The following PRKAR1B variants were observed in gnomAD, a reference collection of about 807,000 sequenced individuals.
PRKAR1B encodes the protein cAMP-dependent protein kinase type I-beta regulatory subunit.
A neutral mutation model predicts 46.5 loss-of-function variants in PRKAR1B; 22 were observed. The ratio of observed to expected loss-of-function variants is 0.47; its 90% confidence interval spans 0.34 to 0.68. PRKAR1B has a LOEUF of 0.68. Ranked by LOEUF, PRKAR1B falls within the 30% of genes least tolerant of loss-of-function variation. The pLI, the probability that PRKAR1B is intolerant of heterozygous loss-of-function variation, is 0.01. For missense variants in PRKAR1B, 445 were observed against 535.6 expected (o/e 0.83, Z 1.67); for synonymous variants, 259 against 217.7 (o/e 1.19, Z -1.67).
chr7:683,780 G>A (rs746553512), intron 2 of PRKAR1B, among the ~76,000 whole-genome samples: 48 of 152,262 alleles, frequency 3.2e-4, no homozygotes, highest in Non-Finnish European at 4.7e-4. Flanking sequence ...CACTCCCCAC[G>A]GAAGGGCAGC....
chr7:647,329 C>A (rs999023309), intron 4 of PRKAR1B, among the ~76,000 whole-genome samples: 4 of 152,130 alleles, frequency 2.6e-5, no homozygotes, highest in African/African-American at 4.8e-5. Context: ...CCCACCCAAG[C>A]CAGCATCACC....
At chr7:691,834 C>A in intron 2 of PRKAR1B, 1 of 1,177,554 alleles carries the variant, frequency 8.5e-7, no homozygotes, top group South Asian at 1.6e-5. Context: ...CAAGTAAACA[C>A]CTCATCACTC....
intron 2 of PRKAR1B, among the ~76,000 whole-genome samples, chr7:707,646 G>A (rs539312487): frequency 2.5e-4 from 38 of 152,244 alleles, no homozygotes; most frequent in African/African-American, 8.7e-4. Flanking sequence ...AGGTCATTGG[G>A]GTGGCCTTGG....
chr7:583,647 T>A (rs1481122383), intron 8 of PRKAR1B, among the ~76,000 whole-genome samples: 1 of 118,738 alleles, frequency 8.4e-6, no homozygotes, highest in African/African-American at 3.6e-5. Flanking sequence ...CTCACATGCA[T>A]GCACACCCAT....
chr7:605,705 G>A lies in PRKAR1B; in HGVS notation c.549+488C>T, dbSNP rs542518909. Among the ~76,000 whole-genome samples, 15 of 152,262 alleles carry A rather than the reference G, an allele frequency of 9.9e-5. No homozygotes were observed. In the South Asian group the frequency reaches 1.2e-3, roughly 13 times the overall value. On this transcript the variant is annotated intron_variant, in intron 6 of 10. Transcript: ENST00000537384. ...GATGACACAGTGAGACCCGACTCAC[G>A]GCTGGGACGTTCCAAGCTGGGAGCC...
intron 1 of PRKAR1B, chr7:712,297 G>GGCCCC (rs1473878872): frequency 6.7e-6 from 1 of 149,360 alleles, no homozygotes; most frequent in Non-Finnish European, 1.5e-5. Flanking sequence ...CCCCAGGCCC[G>GGCCCC]GCCCCGCCCC....
rs143483169 is a variant in PRKAR1B, at chr7:591,818, G to A, written c.708+4328C>T. 1.2e-3 allele frequency among the ~76,000 whole-genome samples: 184 copies of A among 152,194 alleles called. 1 individual carries two copies. In the East Asian group the frequency reaches 0.03, roughly 25 times the overall value. ...CAATGGCCCCAGATGGCTGCAACAC[G>A]GCCTCATCCCCTCACACTTCAAAGC... On this transcript the variant is annotated intron_variant, in intron 7 of 10. Transcript: ENST00000537384.
chr7:706,304 C>A (rs1780319003), intron 2 of PRKAR1B, among the ~76,000 whole-genome samples: 1 of 151,940 alleles, frequency 6.6e-6, no homozygotes, highest in South Asian at 2.1e-4. Flanking sequence ...CTAGCCTGGA[C>A]AACAGAGCCA....
intron 4 of PRKAR1B, among the ~76,000 whole-genome samples, chr7:640,166 A>G (rs1784314852): frequency 6.6e-6 from 1 of 151,754 alleles, no homozygotes; most frequent in African/African-American, 2.4e-5. Context: ...CCGTCTCGAA[A>G]AAAAAAAAAA....
intron 4 of PRKAR1B, among the ~76,000 whole-genome samples, chr7:616,473 C>G (rs1290714001): frequency 6.6e-6 from 1 of 152,232 alleles, no homozygotes; most frequent in East Asian, 1.9e-4. Flanking sequence ...AGTGATGGAG[C>G]CCAGGGTCTC....
At chr7:717,671 C>T (rs2128533371) in intron 1 of PRKAR1B, among the ~76,000 whole-genome samples, 1 of 152,226 alleles carries the variant, frequency 6.6e-6, no homozygotes, top group Middle Eastern at 3.4e-3. Context: ...ACCACACACC[C>T]ACACACACAA....
chr7:572,664 AG>A lies in PRKAR1B; in HGVS notation c.891+6591del, dbSNP rs560708857. Among the ~76,000 whole-genome samples, 3 of 152,350 alleles carry A rather than the reference AG, an allele frequency of 2.0e-5. No individual in the cohort carries two copies. In the East Asian group the frequency reaches 5.8e-4, roughly 29 times the overall value. On this transcript the variant is annotated intron_variant, in intron 9 of 10. Coordinates refer to ENST00000537384, the MANE Select transcript of PRKAR1B (RefSeq NM_001164760.2). Reference sequence around the variant, plus strand: ...GGGCGGAGTGGGAGCAAGGCACAGCAGGCTGCCATTGCAGACTGGGCCAGCC... The same window carrying A: ...GGGCGGAGTGGGAGCAAGGCACAGCAGCTGCCATTGCAGACTGGGCCAGCC...
intron 2 of PRKAR1B, among the ~76,000 whole-genome samples, chr7:708,214 T>C (rs1780434836): frequency 6.6e-6 from 1 of 150,720 alleles, no homozygotes; most frequent in Admixed American, 6.6e-5. Flanking sequence ...ATCTCGGACT[T>C]CCAGCCTGGA....
At chr7:588,349 C>T (rs1189636486) in intron 7 of PRKAR1B, among the ~76,000 whole-genome samples, 3 of 152,156 alleles carry the variant, frequency 2.0e-5, no homozygotes, top group Non-Finnish European at 4.4e-5. Flanking sequence ...ATAAAAATCC[C>T]TGCCTCACTG....
rs904659754 is a variant in PRKAR1B at position 591,716 on chromosome 7, T to G, written c.708+4430A>C. ...AGAAAAAAAAAGGAAAAGAAAAATA[T>G]ATACAGCAGCCACTTCTCCAGCCTG... On this transcript the variant is annotated intron_variant, in intron 7 of 10. Transcript: ENST00000537384. Among the ~76,000 whole-genome samples, 3 of 152,012 alleles carry G rather than the reference T, an allele frequency of 2.0e-5. No homozygotes were observed. In the East Asian group the frequency reaches 5.8e-4, roughly 29 times the overall value.
intron 1 of PRKAR1B, chr7:726,467 C>T: frequency 2.8e-6 from 1 of 354,266 alleles, no homozygotes; most frequent in Non-Finnish European, 5.1e-6. Flanking sequence ...GCATCCCGGG[C>T]GAGCTGCACC....
chr7:680,692 G>C lies in PRKAR1B; in HGVS notation c.212C>G (p.Ser71Ter). The C allele has an allele frequency of 6.2e-7, 1 of 1,613,914 alleles. No individual in the cohort carries two copies. The change falls in exon 3 of 11, where the codon TCA (serine) becomes TGA (stop). Residue 71 changes from serine to a stop codon, truncating the protein, a stop_gained. Coordinates refer to ENST00000537384, the MANE Select transcript of PRKAR1B (RefSeq NM_001164760.2). LOFTEE classifies it high-confidence loss of function. Reference sequence around the variant, plus strand: ...ATCATGGGAGTCCGACTGTGAGTTTGACTTTTGCCGCGCCAAAATCTGCCT... The same window carrying C: ...ATCATGGGAGTCCGACTGTGAGTTTCACTTTTGCCGCGCCAAAATCTGCCT... ...ENRQILARQK[S>*]NSQSDSHDEE...
At chr7:691,804 G>A (rs754482956) in intron 2 of PRKAR1B, 56 of 1,186,902 alleles carry the variant, frequency 4.7e-5, no homozygotes, top group South Asian at 3.9e-4. Flanking sequence ...GGAGGACGGC[G>A]CATCCCCTGA....
intron 8 of PRKAR1B, among the ~76,000 whole-genome samples, chr7:580,462 G>A (rs535190146): frequency 2.0e-5 from 3 of 152,052 alleles, no homozygotes; most frequent in African/African-American, 4.8e-5. Context: ...CCATCGAAAA[G>A]AAACACTGTT....
Sources: gnomAD v4.1 joint callset for allele counts (sites outside exome capture counted in the v4.1 genomes callset) on GRCh38, gnomAD v4.1.1 for gene constraint, MANE v1.5 for transcripts, NCBI Gene and HGNC (gene_info 2026-07-23, HGNC 2026-07-21) for gene names.